CHAC2: variants seen among roughly 807,000 people sequenced by gnomAD.
CHAC2 encodes the protein ChaC glutathione specific gamma-glutamylcyclotransferase 2.
Under a neutral mutation model 16.9 loss-of-function variants are expected in CHAC2, and 20 were observed. The ratio of observed to expected loss-of-function variants is 1.18; its 90% CI spans 0.83 to 1.72. The LOEUF is 1.72. Ranked by LOEUF, CHAC2 falls within the 40% of genes most tolerant of loss-of-function variation. The probability of loss-of-function intolerance (pLI) is 0.00; values close to 1 mark genes in which losing one functional copy is unlikely to be tolerated. For missense variants in CHAC2, 269 were observed against 222.2 expected (o/e 1.21, Z -1.34); for synonymous variants, 91 against 77.3 (o/e 1.18, Z -0.93).
Position 53,768,022 on chromosome 2 carries a change from G to C in CHAC2, c.135+1G>C. ...GGACCACCGCGGGGTCCCCGGCAAGGTGAGGCGCCGGTCAGCTCCCCACAC... is the reference window on the plus strand; with the variant it reads ...GGACCACCGCGGGGTCCCCGGCAAGCTGAGGCGCCGGTCAGCTCCCCACAC... On this transcript the variant is annotated splice_donor_variant, in intron 1 of 2. Transcript: ENST00000295304. LOFTEE classifies it high-confidence loss of function. 2 of 1,613,144 alleles carry C rather than the reference G, an allele frequency of 1.2e-6. No individual in the cohort carries two copies. Among genetic ancestry groups the C allele is most frequent in the Non-Finnish European group, 1.7e-6 (2 of 1,179,960 alleles).
intron 1 of CHAC2, among the ~76,000 whole-genome samples, chr2:53,771,632 G>C (rs982170831): frequency 2.0e-5 from 3 of 152,010 alleles, no homozygotes; most frequent in Non-Finnish European, 4.4e-5. Flanking sequence ...TTTAGTTACT[G>C]GTATGTTTTC....
In CHAC2 at chr2:53,775,039, C is replaced by A. The variant is rs951928523; in HGVS notation, c.*514C>A. The A allele has an allele frequency of 6.5e-6, 1 of 152,706 alleles. No individual in the cohort carries two copies. Among genetic ancestry groups the A allele is most frequent in the Admixed American group, 6.5e-5 (1 of 15,294 alleles). 9.5% of individuals were successfully genotyped at this position (152,706 alleles called of 1,614,324 possible). A position where few individuals can be genotyped will look rare whatever the true frequency, so the allele number is the denominator to read the frequency against. On this transcript the variant is annotated 3_prime_UTR_variant, in exon 3 of 3. Transcript: ENST00000295304. Reference sequence around the variant, plus strand: ...TTGTTATTCAAGTATTAAATGAAATCTTTTGAGTTTTTAGCCAAAAATTGG... The same window carrying A: ...TTGTTATTCAAGTATTAAATGAAATATTTTGAGTTTTTAGCCAAAAATTGG...
chr2:53,771,948 G>C lies in CHAC2; in HGVS notation c.171+6G>C. 1 of 1,475,880 alleles carries C rather than the reference G, an allele frequency of 6.8e-7. No homozygotes were observed. Among genetic ancestry groups the C allele is most frequent in the Non-Finnish European group, 9.2e-7 (1 of 1,087,550 alleles). 91.4% of individuals were successfully genotyped at this position (1,475,880 alleles called of 1,614,324 possible). ...CTCTTGTTGAAGATCCTGCGGTATG[G>C]TATAAATATTCTTTTTTGTATAATT... On this transcript the variant is annotated splice_donor_region_variant and intron_variant, in intron 2 of 2. Coordinates refer to ENST00000295304, the MANE Select transcript of CHAC2 (RefSeq NM_001008708.4).
chr2:53,773,962 G>A (rs1162239537), intron 2 of CHAC2, among the ~76,000 whole-genome samples, 180 bp from the exon 3 acceptor site: 1 of 152,098 alleles, frequency 6.6e-6, no homozygotes, highest in Non-Finnish European at 1.5e-5. Context: ...TTGAACCCGG[G>A]AGGCTGAGGT....
chr2:53,770,905 A>G (rs991945980), intron 1 of CHAC2, among the ~76,000 whole-genome samples: 1 of 152,222 alleles, frequency 6.6e-6, no homozygotes, highest in African/African-American at 2.4e-5. Flanking sequence ...AAGCACCATT[A>G]CCATATACAG....
intron 2 of CHAC2, among the ~76,000 whole-genome samples, chr2:53,773,443 A>AT (rs1343664378): frequency 6.6e-6 from 1 of 151,664 alleles, no homozygotes; most frequent in Non-Finnish European, 1.5e-5. Context: ...TTTATTTTTT[A>AT]TTTTTTTGAG....
At chr2:53,768,907 G>C (rs1673690195) in intron 1 of CHAC2, among the ~76,000 whole-genome samples, 2 of 152,236 alleles carry the variant, frequency 1.3e-5, no homozygotes, top group African/African-American at 4.8e-5. Context: ...TCAATGGAAA[G>C]TGGAAAAGAT....
At chr2:53,769,444 A>G (rs994534930) in intron 1 of CHAC2, among the ~76,000 whole-genome samples, 5 of 152,244 alleles carry the variant, frequency 3.3e-5, no homozygotes, top group Admixed American at 3.3e-4. Flanking sequence ...ACTAGTCTTG[A>G]CGAAAATGTA....
At chr2:53,771,841 C>A in intron 1 of CHAC2, 66 bp from the exon 2 acceptor site, 1 of 839,344 alleles carries the variant, frequency 1.2e-6, no homozygotes, top group Non-Finnish European at 2.0e-6. Flanking sequence ...AAAAATGTTG[C>A]TAATGCTCAG....
chr2:53,774,491 G>A lies in CHAC2; in HGVS notation c.521G>A (p.Arg174His), dbSNP rs377443630. 53 of 1,569,010 alleles carry A rather than the reference G, an allele frequency of 3.4e-5. No homozygotes were observed. The highest frequency in any genetic ancestry group is 2.0e-4 in the Admixed American group (10 of 50,494). Reference sequence around the variant, plus strand: ...GCTTTGGAAAAATTAGTAAAGGAACGTTTAGAAGGGAAACAGAACCTCAAT... The same window carrying A: ...GCTTTGGAAAAATTAGTAAAGGAACATTTAGAAGGGAAACAGAACCTCAAT... ...LFALEKLVKE[R>H]LEGKQNLNCI is the part of the protein sequence containing the mutation. The change falls in exon 3 of 3, where the codon CGT (arginine) becomes CAT (histidine). Residue 174 changes from arginine (R) to histidine (H), a missense_variant. Physicochemically the swap from Arg to His is conservative, Grantham distance 29 (BLOSUM62 0). Coordinates refer to ENST00000295304, the MANE Select transcript of CHAC2 (RefSeq NM_001008708.4).
At chr2:53,771,429 C>G (rs970467684) in intron 1 of CHAC2, among the ~76,000 whole-genome samples, 5 of 152,116 alleles carry the variant, frequency 3.3e-5, no homozygotes, top group Admixed American at 3.3e-4. Flanking sequence ...GAGAGAATTG[C>G]TTGAGCCCGA....
Position 53,774,422 on chromosome 2 carries a change from C to G in CHAC2, c.452C>G (p.Ser151Cys), listed in dbSNP as rs780903957. 1 of 1,611,428 alleles carries G rather than the reference C, an allele frequency of 6.2e-7. No homozygotes were observed. Among genetic ancestry groups the G allele is most frequent in the East Asian group, 2.2e-5 (1 of 44,842 alleles). Residue 151 changes from serine to cysteine, a missense_variant, in exon 3 of 3, where the codon TCT (serine) becomes TGT (cysteine). Coordinates refer to ENST00000295304, the MANE Select transcript of CHAC2 (RefSeq NM_001008708.4). ...NTEYLFELAN[S>C]IRNLVPEEAD... ...GAATATCTTTTTGAACTTGCAAATT[C>G]TATTAGGAACCTTGTGCCAGAAGAA...
rs902695986 is a variant in CHAC2, at chr2:53,767,867, G to C, written c.-20G>C. ...GACAGCTAGGGTTCACGGCCACTGG[G>C]GCAGAGGAGCCGCGAGAAGATGTGG... On this transcript the variant is annotated 5_prime_UTR_variant, in exon 1 of 3. Coordinates refer to ENST00000295304, the MANE Select transcript of CHAC2 (RefSeq NM_001008708.4). 1 of 1,595,698 alleles carries C rather than the reference G, an allele frequency of 6.3e-7. No homozygotes were observed. Among genetic ancestry groups the C allele is most frequent in the African/African-American group, 1.3e-5 (1 of 74,790 alleles).
intron 2 of CHAC2, among the ~76,000 whole-genome samples, chr2:53,772,403 C>T (rs374600704): frequency 4.8e-4 from 73 of 152,082 alleles, no homozygotes; most frequent in Admixed American, 2.2e-3. Flanking sequence ...CTCAATCTCC[C>T]GACCTCGTGA....
In CHAC2 at chr2:53,774,809, A is replaced by C. The variant is rs1339043980; in HGVS notation, c.*284A>C. ...GACTCAGTTCAGTCTTGTTTTTATC[A>C]GAGTGATAATCATCCTGTTTCACAT... On this transcript the variant is annotated 3_prime_UTR_variant, in exon 3 of 3. Coordinates refer to ENST00000295304, the MANE Select transcript of CHAC2 (RefSeq NM_001008708.4). 2 of 252,460 alleles carry C rather than the reference A, an allele frequency of 7.9e-6. No homozygotes were observed. Among genetic ancestry groups the C allele is most frequent in the African/African-American group, 2.2e-5 (1 of 44,942 alleles). The allele number at this position is 252,460 out of a possible 1,614,324, so 15.6% of individuals were successfully genotyped here. A position where few individuals can be genotyped will look rare whatever the true frequency, so the allele number is the denominator to read the frequency against.
intron 2 of CHAC2, among the ~76,000 whole-genome samples, chr2:53,773,784 C>T (rs551288831): frequency 1.1e-4 from 16 of 151,914 alleles, no homozygotes; most frequent in African/African-American, 3.9e-4. Flanking sequence ...CCTGTAATCC[C>T]AGCACACTGG....
Position 53,774,124 on chromosome 2 carries a change from C to A in CHAC2, c.172-18C>A, listed in dbSNP as rs1407972990. ...ATTAGCCTTATAATACCAGTGTATT[C>A]TTTTCATTTTTCAACAGGGATGTGT... On this transcript the variant is annotated intron_variant, in intron 2 of 2. Coordinates refer to ENST00000295304, the MANE Select transcript of CHAC2 (RefSeq NM_001008708.4). 3.8e-6 allele frequency: 6 copies of A among 1,571,600 alleles called. No individual in the cohort carries two copies. Among genetic ancestry groups the A allele is most frequent in the Non-Finnish European group, 5.2e-6 (6 of 1,164,366 alleles).
rs757666573 is a variant in CHAC2, at chr2:53,774,278, C to A, written c.308C>A (p.Pro103Gln). 6.2e-7 allele frequency: 1 copy of A among 1,614,130 alleles called. No individual in the cohort carries two copies. The highest frequency in any genetic ancestry group is 8.5e-7 in the Non-Finnish European group (1 of 1,180,032). ...IFYPKDPTTKPFSVLLYIGTC... is the reference protein window; with the variant it reads ...IFYPKDPTTKQFSVLLYIGTC... ...TATCCAAAAGATCCCACAACAAAAC[C>A]ATTCAGTGTATTGCTATATATTGGA... Residue 103 changes from proline to glutamine, a missense_variant, in exon 3 of 3, where the codon CCA becomes CAA. By Grantham distance (76) the Pro-to-Gln change is moderately conservative. Coordinates refer to ENST00000295304, the MANE Select transcript of CHAC2 (RefSeq NM_001008708.4).
rs770448070 is a variant in CHAC2, at chr2:53,771,893, C to A, written c.136-14C>A. 3.2e-6 allele frequency: 5 copies of A among 1,540,720 alleles called. No homozygotes were observed. Among genetic ancestry groups the A allele is most frequent in the Non-Finnish European group, 4.4e-6 (5 of 1,133,186 alleles). ...ATTAATTCAGAAAAATTTTTTTTTACCTTTTTAAAACAGCCTGGAAGAGTT... is the reference window on the plus strand; with the variant it reads ...ATTAATTCAGAAAAATTTTTTTTTAACTTTTTAAAACAGCCTGGAAGAGTT... On this transcript the variant is annotated splice_polypyrimidine_tract_variant and intron_variant, in intron 1 of 2. Coordinates refer to ENST00000295304, the MANE Select transcript of CHAC2 (RefSeq NM_001008708.4).
Sources: allele counts gnomAD v4.1 joint callset (sites outside exome capture counted in the v4.1 genomes callset), GRCh38; gene constraint gnomAD v4.1.1; transcripts MANE v1.5; gene names NCBI Gene and HGNC (gene_info 2026-07-23, HGNC 2026-07-21).